The following APC variants were observed in gnomAD, a reference collection of about 807,000 sequenced individuals.
APC encodes adenomatous polyposis coli protein.
A neutral mutation model predicts 247.0 loss-of-function variants in APC; 72 were observed. That is an observed-to-expected ratio of 0.29 (90% CI 0.24 to 0.35). APC has a LOEUF of 0.35. Among genes scored for constraint, APC ranks in the 10% least tolerant of loss-of-function variants. The pLI, the probability that APC is intolerant of heterozygous loss-of-function variation, is 1.00. For missense variants in APC, 3,400 were observed against 3,360.7 expected (o/e 1.01, Z -0.29); for synonymous variants, 1,254 against 1,162.5 (o/e 1.08, Z -1.60).
chr5:112,737,592 C>T (rs1326969382), upstream of APC, among the ~76,000 whole-genome samples: 2 of 152,254 alleles, frequency 1.3e-5, no homozygotes, highest in African/African-American at 4.8e-5. Flanking sequence ...GGACCTCCCC[C>T]GACTCTTTAC....
intron 4 of APC, 52 bp from the exon 5 acceptor site, chr5:112,775,577 A>G (rs2149613747): frequency 9.4e-7 from 1 of 1,066,912 alleles, no homozygotes. Flanking sequence ...GCTCTTCTGC[A>G]GTCTTTATTA....
At chr5:112,765,331 C>G (rs368104052) in intron 2 of APC, among the ~76,000 whole-genome samples, 8 of 152,182 alleles carry the variant, frequency 5.3e-5, no homozygotes, top group African/African-American at 1.4e-4. Context: ...TCAGGCTGGT[C>G]TCAAACTCCT....
rs749833343 is a variant in APC at position 112,841,568 on chromosome 5, C to A, written c.5974C>A (p.Pro1992Thr). 1.2e-6 allele frequency: 2 copies of A among 1,613,820 alleles called. No homozygotes were observed. Among genetic ancestry groups the A allele is most frequent in the Admixed American group, 3.3e-5 (2 of 60,004 alleles). Residue 1992 changes from proline (P) to threonine (T), a missense_variant, in exon 16 of 16, where the codon CCC becomes ACC. By Grantham distance (38) the Pro-to-Thr change is conservative. Transcript: ENST00000257430. This position sits in a 1 kb window ranked among gnomAD's most constrained non-coding sequence, Gnocchi z 4.6. ...KENEPIKETE[P>T]PDSQGEPSKP... is the part of the protein sequence containing the mutation. ...AAATGAACCTATCAAAGAGACTGAG[C>A]CCCCTGACTCACAGGGAGAACCAAG...
chr5:112,767,141 A>C (rs2149787134), intron 3 of APC, 48 bp from the exon 4 acceptor site: 4 of 1,402,396 alleles, frequency 2.9e-6, no homozygotes, highest in Non-Finnish European at 4.0e-6. Context: ...AATATTTTAG[A>C]CTGCTTAAAG....
chr5:112,818,552 G>T (rs1442241131), intron 9 of APC, among the ~76,000 whole-genome samples: 1 of 152,114 alleles, frequency 6.6e-6, no homozygotes, highest in Admixed American at 6.5e-5. Flanking sequence ...TAGATTAAAA[G>T]AAATAAGATA....
intron 1 of APC, among the ~76,000 whole-genome samples, chr5:112,724,481 T>C (rs1252613816): frequency 6.6e-6 from 1 of 152,152 alleles, no homozygotes; most frequent in Admixed American, 6.5e-5. Context: ...CATTTGAGAA[T>C]ACAATTATGA....
At position 112,802,054 on chromosome 5, in the gene APC, A is replaced by C. The variant is rs536656452; in HGVS notation, c.834+671A>C. ...TCTTTAGGGTGTTCTGTATTCTCCA[A>C]ATTTTCTTCAATGAATATTTTTAGA... On this transcript the variant is annotated intron_variant, in intron 8 of 15. Coordinates refer to ENST00000257430, the MANE Select transcript of APC (RefSeq NM_000038.6). 3.9e-5 allele frequency among the ~76,000 whole-genome samples: 6 copies of C among 152,092 alleles called. No individual in the cohort carries two copies. The South Asian group carries it at 1.0e-3, about 26-fold the overall frequency.
intron 8 of APC, chr5:112,810,307 C>T (rs1354181796): frequency 3.0e-5 from 8 of 270,370 alleles, no homozygotes; most frequent in South Asian, 1.4e-4. Context: ...TGGATATATA[C>T]GCAGGTAATT....
At chr5:112,759,357 T>TTTC (rs1755386264) in intron 2 of APC, among the ~76,000 whole-genome samples, 5 of 104,720 alleles carry the variant, frequency 4.8e-5, no homozygotes, top group African/African-American at 2.6e-4. Context: ...TCTTTCTTTC[T>TTTC]TTTTTTTTTT....
chr5:112,713,239 C>G (rs1441401883), intron 1 of APC, among the ~76,000 whole-genome samples: 4 of 151,312 alleles, frequency 2.6e-5, no homozygotes, highest in Non-Finnish European at 5.9e-5. Context: ...GTTAGTTTAG[C>G]TGTGCTATGA....
At chr5:112,815,427 T>C (rs1762395293) in intron 8 of APC, 68 bp from the exon 9 acceptor site, 1 of 1,144,750 alleles carries the variant, frequency 8.7e-7, no homozygotes, top group South Asian at 1.2e-5. Context: ...TTGGAGTACC[T>C]TAACATGATG....
At chr5:112,793,001 C>T (rs997065413) in intron 7 of APC, among the ~76,000 whole-genome samples, 5 of 151,992 alleles carry the variant, frequency 3.3e-5, no homozygotes, top group African/African-American at 9.7e-5. Flanking sequence ...AACATTCTAG[C>T]ATATCAGAGA....
chr5:112,739,589 T>A (rs1752747972), intron 1 of APC, among the ~76,000 whole-genome samples: 1 of 152,232 alleles, frequency 6.6e-6, no homozygotes, highest in South Asian at 2.1e-4. Context: ...CCGGGCGTGG[T>A]GGCCCATGCC....
In APC at chr5:112,844,039, G is replaced by A. The variant is rs1554089157; in HGVS notation, c.8445G>A (p.Lys2815=). 2.5e-6 allele frequency: 4 copies of A among 1,602,818 alleles called. No homozygotes were observed. Among genetic ancestry groups the A allele is most frequent in the Non-Finnish European group, 3.4e-6 (4 of 1,177,070 alleles). ...IPTPVNNNTK[K]RDSKTDSTES... is the part of the protein sequence containing the mutation. ...CTCCAGTGAATAACAACACAAAGAA[G>A]CGAGATTCCAAAACTGACAGCACAG... Residue 2815 remains lysine, a synonymous_variant, in exon 16 of 16, where the codon AAG becomes AAA. Coordinates refer to ENST00000257430, the MANE Select transcript of APC (RefSeq NM_000038.6).
chr5:112,741,949 C>T (rs745959585), intron 1 of APC, among the ~76,000 whole-genome samples: 4 of 152,280 alleles, frequency 2.6e-5, no homozygotes, highest in Admixed American at 2.6e-4. Flanking sequence ...AGCCATGTGT[C>T]AGAATTTCTT....
chr5:112,837,422 G>T, intron 15 of APC, 131 bp from the exon 16 acceptor site: 1 of 650,218 alleles, frequency 1.5e-6, no homozygotes, highest in Non-Finnish European at 2.7e-6. Flanking sequence ...AACAAAAGGA[G>T]ATGTGGAATA....
chr5:112,805,722 A>G (rs1309855102), intron 8 of APC, among the ~76,000 whole-genome samples: 1 of 152,192 alleles, frequency 6.6e-6, no homozygotes, highest in Non-Finnish European at 1.5e-5. Flanking sequence ...TCAAAAGACA[A>G]AAGCCACCAA....
At chr5:112,736,335 C>T (rs1181358102), upstream of APC, among the ~76,000 whole-genome samples, 1 of 152,058 alleles carries the variant, frequency 6.6e-6, no homozygotes, top group Non-Finnish European at 1.5e-5. Flanking sequence ...GTGGAAATAA[C>T]TCACTTGTTA....
chr5:112,772,204 A>G (rs886787351), intron 4 of APC, among the ~76,000 whole-genome samples: 3 of 152,206 alleles, frequency 2.0e-5, no homozygotes, highest in Non-Finnish European at 4.4e-5. Flanking sequence ...AAAGAAGACC[A>G]TTGGCAATCA....
Sources: gnomAD v4.1 joint callset for allele counts (sites outside exome capture counted in the v4.1 genomes callset) on GRCh38, gnomAD v4.1.1 for gene constraint, Gnocchi (gnomAD v3.1) non-coding constraint, MANE v1.5 for transcripts, NCBI Gene and HGNC (gene_info 2026-07-23, HGNC 2026-07-21) for gene names.